BLTP1: variants seen among roughly 807,000 people sequenced by gnomAD.
The protein encoded by BLTP1 is bridge-like lipid transfer protein family member 1.
chr4:122,243,885 G>A, the BLTP1 span: 31 of 1,598,840 alleles, frequency 1.9e-5, no homozygotes, highest in Middle Eastern at 1.7e-4. Context: ...AAAAAAACTC[G>A]CTGATAACAC....
the BLTP1 span, chr4:122,348,746 A>G: frequency 6.9e-7 from 1 of 1,444,522 alleles, no homozygotes; most frequent in Admixed American, 2.1e-5. Flanking sequence ...AAGGAAATGT[A>G]TTTAATCATT....
chr4:122,262,805 C>T, the BLTP1 span: 1 of 1,612,712 alleles, frequency 6.2e-7, no homozygotes, highest in Non-Finnish European at 8.5e-7. Flanking sequence ...CCAGTGGAGA[C>T]ACTGCCACTG....
the BLTP1 span, chr4:122,315,550 G>A: frequency 6.2e-7 from 1 of 1,614,082 alleles, no homozygotes; most frequent in Non-Finnish European, 8.5e-7. Flanking sequence ...TTGGCAAAAG[G>A]CTTAATGCTC....
the BLTP1 span, chr4:122,174,979 T>C: frequency 1.1e-6 from 1 of 893,466 alleles, no homozygotes; most frequent in South Asian, 5.2e-5. Flanking sequence ...TTTAGAGATG[T>C]TGGTCTGTCA....
the BLTP1 span, chr4:122,307,936 T>TA: frequency 6.2e-7 from 1 of 1,610,730 alleles, no homozygotes. Flanking sequence ...TGCCCTGTCT[T>TA]AATTATCAAA....
chr4:122,318,005 A>T, the BLTP1 span: 2 of 752,394 alleles, frequency 2.7e-6, no homozygotes, highest in Non-Finnish European at 4.0e-6. Flanking sequence ...GCCAAATATG[A>T]GTGTTAAGCT....
the BLTP1 span, chr4:122,237,113 G>T: frequency 1.0e-6 from 1 of 984,322 alleles, no homozygotes; most frequent in Non-Finnish European, 1.2e-6. Flanking sequence ...TATATTTTAG[G>T]TTTATGACTC....
the BLTP1 span, chr4:122,235,138 G>C: frequency 9.8e-7 from 1 of 1,022,866 alleles, no homozygotes; most frequent in Non-Finnish European, 1.4e-6. Flanking sequence ...GTGATGTTAT[G>C]AGTAGGGTTT....
chr4:122,263,630 C>A, the BLTP1 span: 4 of 1,448,556 alleles, frequency 2.8e-6, no homozygotes, highest in Non-Finnish European at 9.5e-7. Flanking sequence ...TTTTGCTTAA[C>A]TGTCTTAAGG....
At chr4:122,202,647 C>A in the BLTP1 span, 2 of 434,056 alleles carry the variant, frequency 4.6e-6, no homozygotes, top group Non-Finnish European at 6.1e-6. Context: ...CTTCACATTA[C>A]TTTTCTTCCA....
At chr4:122,175,247 A>T in the BLTP1 span, 7 of 984,980 alleles carry the variant, frequency 7.1e-6, no homozygotes, top group Non-Finnish European at 8.4e-6. Context: ...CACCTCACTT[A>T]AAACTAGAGG....
the BLTP1 span, among the ~76,000 whole-genome samples, chr4:122,332,508 C>A: frequency 2.0e-5 from 3 of 151,798 alleles, no homozygotes; most frequent in African/African-American, 4.8e-5. Flanking sequence ...ACGGAACATA[C>A]AACATTTACA....
At chr4:122,353,204 A>T in the BLTP1 span, 19 of 1,582,614 alleles carry the variant, frequency 1.2e-5, no homozygotes, top group East Asian at 3.8e-4. This position sits in a 1 kb window ranked among gnomAD's most constrained non-coding sequence, Gnocchi z 4.3. Context: ...TTCTGTTATG[A>T]CTATAAATGA....
the BLTP1 span, among the ~76,000 whole-genome samples, chr4:122,217,239 G>T: frequency 6.6e-6 from 1 of 152,120 alleles, no homozygotes; most frequent in African/African-American, 2.4e-5. Flanking sequence ...GTACCTTGCT[G>T]TTTTGGTAAT....
At chr4:122,152,986 G>C in the BLTP1 span, 89 of 985,174 alleles carry the variant, frequency 9.0e-5, no homozygotes, top group Non-Finnish European at 5.1e-5. Flanking sequence ...GACCGAGGGC[G>C]GGGAAGCCTT....
chr4:122,154,733 G>T, the BLTP1 span, among the ~76,000 whole-genome samples: 1,095 of 152,158 alleles, frequency 7.2e-3, 9 homozygotes, highest in South Asian at 0.03. Flanking sequence ...TTTAGCGGAC[G>T]TGGTGGCGGG....
chr4:122,220,930 C>A, the BLTP1 span: 1 of 194,138 alleles, frequency 5.2e-6, no homozygotes, highest in South Asian at 1.8e-4. Context: ...TACCTCTGGG[C>A]TCTTTTAAAA....
At chr4:122,346,952 A>G in the BLTP1 span, 1 of 849,510 alleles carries the variant, frequency 1.2e-6, no homozygotes, top group East Asian at 1.2e-4. Flanking sequence ...GAGAACCAAA[A>G]AGACAAAAAG....
At chr4:122,215,837 C>CCTG in the BLTP1 span, among the ~76,000 whole-genome samples, 13 of 150,814 alleles carry the variant, frequency 8.6e-5, no homozygotes, top group Admixed American at 2.6e-4. Context: ...ATCCCTCACC[C>CCTG]CCCCCATCCT....
Sources: gnomAD v4.1 joint callset for allele counts (sites outside exome capture counted in the v4.1 genomes callset) on GRCh38, gnomAD v4.1.1 for gene constraint, Gnocchi (gnomAD v3.1) non-coding constraint, MANE v1.5 for transcripts, NCBI Gene and HGNC (gene_info 2026-07-23, HGNC 2026-07-21) for gene names.